EMC3: variants seen among roughly 807,000 people sequenced by gnomAD.
EMC3 encodes 30 kDa protein.
A neutral mutation model predicts 36.6 loss-of-function variants in EMC3; 13 were observed. That is an observed-to-expected ratio of 0.35 (90% CI 0.23 to 0.56). The LOEUF (loss-of-function observed/expected upper bound fraction) is 0.56, where lower values mean the gene tolerates loss of function less well. EMC3 is among the 20% of genes least tolerant of loss of function. EMC3 has a pLI of 0.84. For synonymous variants in EMC3, 120 were observed against 111.9 expected (o/e 1.07, Z -0.46); for missense variants, 220 against 324.5 (o/e 0.68, Z 2.47).
upstream of EMC3, chr3:9,987,033 T>C (rs1385804636): frequency 2.0e-6 from 2 of 996,808 alleles, no homozygotes; most frequent in East Asian, 1.8e-4. Context: ...GGCTAACAGG[T>C]GAAACCCTGT....
At chr3:9,975,086 C>T (rs2085832269) in intron 3 of EMC3, among the ~76,000 whole-genome samples, 1 of 150,046 alleles carries the variant, frequency 6.7e-6, no homozygotes, top group Non-Finnish European at 1.5e-5. Context: ...GTCTTGAACT[C>T]GTGACTGACC....
intron 7 of EMC3, 93 bp downstream of exon 7, chr3:9,969,626 C>T: frequency 6.3e-7 from 1 of 1,594,828 alleles, no homozygotes; most frequent in Non-Finnish European, 8.5e-7. Flanking sequence ...GATGGAACCA[C>T]ACAACACTCC....
intron 1 of EMC3, among the ~76,000 whole-genome samples, chr3:9,978,525 C>T (rs1459234226): frequency 1.3e-5 from 2 of 151,676 alleles, no homozygotes; most frequent in Non-Finnish European, 2.9e-5. Context: ...CAGAAATGAA[C>T]ATAGTAAAAC....
At chr3:10,004,353 T>C (rs2086240399) in intron 1 of EMC3, 1 of 152,192 alleles carries the variant, frequency 6.6e-6, no homozygotes, top group African/African-American at 2.4e-5. Context: ...ACAACCCAGC[T>C]TTTGGTGGCC....
At chr3:9,995,633 G>A (rs914393902) in intron 1 of EMC3, among the ~76,000 whole-genome samples, 1 of 151,326 alleles carries the variant, frequency 6.6e-6, no homozygotes, top group Non-Finnish European at 1.5e-5. Flanking sequence ...GAAGCAATAT[G>A]TTGGGAAAGA....
intron 7 of EMC3, among the ~76,000 whole-genome samples, chr3:9,965,590 AACC>A (rs2085730015): frequency 6.6e-6 from 1 of 152,190 alleles, no homozygotes; most frequent in Admixed American, 6.6e-5. Flanking sequence ...TCATATGTGC[AACC>A]ACCACCACTA....
At chr3:9,986,963 C>T, upstream of EMC3, 4 of 1,145,532 alleles carry the variant, frequency 3.5e-6, no homozygotes, top group Non-Finnish European at 3.2e-6. Flanking sequence ...CTCCTGGAAT[C>T]CCAGCACTTT....
intron 5 of EMC3, among the ~76,000 whole-genome samples, chr3:9,973,029 A>C (rs529007026): frequency 1.3e-5 from 2 of 151,274 alleles, no homozygotes; most frequent in South Asian, 4.2e-4. Flanking sequence ...GGGGTTTCAC[A>C]GTGTTAGCCA....
intron 7 of EMC3, among the ~76,000 whole-genome samples, chr3:9,968,222 G>T (rs542678734): frequency 6.6e-6 from 1 of 152,020 alleles, no homozygotes; most frequent in Non-Finnish European, 1.5e-5. Flanking sequence ...GCCCGGCCAC[G>T]GCCATTTCTT....
chr3:9,975,360 T>C (rs563515681), intron 3 of EMC3, among the ~76,000 whole-genome samples: 8 of 152,286 alleles, frequency 5.3e-5, no homozygotes, highest in African/African-American at 1.9e-4. Flanking sequence ...CAAGGATTTG[T>C]ACATTTAAAA....
chr3:9,987,349 T>TC (rs1248889272), upstream of EMC3: 22 of 980,118 alleles, frequency 2.2e-5, no homozygotes, highest in Non-Finnish European at 2.5e-5. Context: ...GCGGTCGGCG[T>TC]TCTTCTCTGG....
At chr3:9,988,002 A>G, upstream of EMC3, 1 of 887,496 alleles carries the variant, frequency 1.1e-6, no homozygotes, top group South Asian at 1.3e-5. Context: ...GTAAAGGACA[A>G]GCAAGGTAAA....
At chr3:9,999,399 G>A (rs1220661859) in intron 1 of EMC3, among the ~76,000 whole-genome samples, 3 of 151,930 alleles carry the variant, frequency 2.0e-5, no homozygotes, top group African/African-American at 7.3e-5. Flanking sequence ...GTGCCACAAC[G>A]CCCAACTAAT....
At chr3:9,987,602 T>A (rs1256774691), upstream of EMC3, among the ~76,000 whole-genome samples, 1 of 152,206 alleles carries the variant, frequency 6.6e-6, no homozygotes, top group Non-Finnish European at 1.5e-5. Flanking sequence ...ACTGAGAATG[T>A]TGACTAATCC....
chr3:9,995,058 A>C (rs975469917), intron 1 of EMC3, among the ~76,000 whole-genome samples: 3 of 152,196 alleles, frequency 2.0e-5, no homozygotes, highest in African/African-American at 7.2e-5. Context: ...TAAACATTTA[A>C]AATAGAGCAG....
intron 1 of EMC3, chr3:10,001,058 T>C: frequency 4.6e-6 from 1 of 218,550 alleles, no homozygotes; most frequent in Admixed American, 4.9e-5. Flanking sequence ...TTGTTATGCT[T>C]AAGATACCAT....
At chr3:10,008,333 G>C in intron 1 of EMC3, 2 of 1,219,182 alleles carry the variant, frequency 1.6e-6, no homozygotes, top group Non-Finnish European at 2.2e-6. Context: ...TGGGTCAAGG[G>C]ACTATAGGGA....
chr3:9,967,163 G>C (rs1201963023), intron 7 of EMC3, among the ~76,000 whole-genome samples: 1 of 151,872 alleles, frequency 6.6e-6, no homozygotes, highest in African/African-American at 2.4e-5. Context: ...TTAAAGATTT[G>C]GGACTTTGAC....
upstream of EMC3, chr3:9,988,149 CG>C (rs2124922730): frequency 1.8e-6 from 1 of 547,000 alleles, no homozygotes; most frequent in Middle Eastern, 4.8e-4. Context: ...AGTATTATAT[CG>C]TTTTTCAAAT....
Sources: allele counts gnomAD v4.1 joint callset (sites outside exome capture counted in the v4.1 genomes callset), GRCh38; gene constraint gnomAD v4.1.1; transcripts MANE v1.5; gene names NCBI Gene and HGNC (gene_info 2026-07-23, HGNC 2026-07-21).